Variants in GREP1 observed in about 807,000 individuals in gnomAD.
GREP1 encodes glycine rich extracellular protein 1, also known as glycine-rich extracellular protein 1.
chr16:3,000,770 G>A (rs570958063), exon 33 of GREP1: 33 of 399,070 alleles, frequency 8.3e-5, no homozygotes, highest in African/African-American at 5.5e-4. Flanking sequence ...CTGGGGGGCC[G>A]GCTTGAAGCC....
intron 34 of GREP1, 98 bp downstream of exon 28, chr16:3,001,432 G>GCA: frequency 2.5e-6 from 1 of 399,106 alleles, no homozygotes; most frequent in Non-Finnish European, 4.4e-6. Context: ...GGGAAGGATA[G>GCA]CAGGTTCTGC....
rs2072398886 is a variant in GREP1 at position 2,991,450 on chromosome 16, G to C, written c.322+349G>C. The C allele has an allele frequency of 8.4e-6, 2 of 237,166 alleles. No individual in the cohort carries two copies. The highest frequency in any genetic ancestry group is 4.5e-5 in the African/African-American group (2 of 44,510). 14.7% of individuals were successfully genotyped at this position (237,166 alleles called of 1,614,324 possible). On this transcript the variant is annotated intron_variant, in intron 8 of 34. Transcript: ENST00000573315. This position sits in a 1 kb window ranked among gnomAD's most constrained non-coding sequence, Gnocchi z 4.9. ...GGAACCCCACCAGGTGAGGGTGGCT[G>C]GGCAGGGGCCGCAGGGAGGGGCGGG...
exon 1 of GREP1, chr16:2,988,306 T>G: frequency 2.5e-6 from 1 of 399,282 alleles, no homozygotes. Context: ...CCGCAGCCCT[T>G]TTCCTTCTCT....
chr16:2,995,446 G>T lies in GREP1; in HGVS notation c.553+9G>T, dbSNP rs2072419505. On this transcript the variant is annotated intron_variant, in intron 15 of 34. Transcript: ENST00000573315. The stretch of plus-strand genomic sequence containing the variant: ...GCTGAGTGCTCAGCCAGGTGAGACA[G>T]ATGGGGTCTGGGGTTCTACCCCTGG... 7.5e-6 allele frequency: 3 copies of T among 398,884 alleles called. No homozygotes were observed. In the South Asian group the frequency reaches 3.8e-4, roughly 51 times the overall value. 24.7% of individuals were successfully genotyped at this position (398,884 alleles called of 1,614,324 possible). A position where few individuals can be genotyped will look rare whatever the true frequency, so the allele number is the denominator to read the frequency against.
At chr16:2,990,309 CCT>C in intron 5 of GREP1, 187 bp downstream of exon 5, 1 of 398,150 alleles carries the variant, frequency 2.5e-6, no homozygotes, top group Non-Finnish European at 4.4e-6. Context: ...CCTCAGCTCA[CCT>C]CTCTCTCTCC....
At chr16:2,993,220 A>G (rs951762320) in intron 10 of GREP1, 27 of 316,810 alleles carry the variant, frequency 8.5e-5, no homozygotes, top group Non-Finnish European at 1.4e-4. Flanking sequence ...AGAGGAAGGG[A>G]TGGGTGGACT....
intron 18 of GREP1, 86 bp from the exon 18 acceptor site, chr16:2,996,410 G>C (rs1295511336): frequency 2.5e-6 from 1 of 398,248 alleles, no homozygotes; most frequent in African/African-American, 2.1e-5. Context: ...CAGGGCCCTG[G>C]GCCCCCGCCC....
intron 2 of GREP1, 198 bp downstream of exon 2, chr16:2,988,820 CG>C (rs2072384322): frequency 2.5e-6 from 1 of 395,382 alleles, no homozygotes; most frequent in East Asian, 3.6e-5. Flanking sequence ...AAGAGTCTCC[CG>C]GGGCAGAACA....
chr16:2,994,366 A>C (rs2072413803), intron 10 of GREP1: 1 of 178,976 alleles, frequency 5.6e-6, no homozygotes, highest in East Asian at 1.5e-4. Context: ...AAAATTAGCC[A>C]GGCGTGGTGG....
Position 2,989,498 on chromosome 16 carries a change from G to A in GREP1, c.101-25G>A, listed in dbSNP as rs1355441725. 2 of 399,124 alleles carry A rather than the reference G, an allele frequency of 5.0e-6. No individual in the cohort carries two copies. Among genetic ancestry groups the A allele is most frequent in the Non-Finnish European group, 4.4e-6 (1 of 226,218 alleles). 24.7% of individuals were successfully genotyped at this position (399,124 alleles called of 1,614,324 possible). On this transcript the variant is annotated intron_variant, in intron 2 of 34. Coordinates refer to ENST00000573315, the Ensembl canonical transcript of GREP1. The surrounding 1 kb of genome is among the most constrained non-coding windows in gnomAD (Gnocchi z 4.2). Reference sequence around the variant, plus strand: ...GCTCCCAGCTGCTCCAGCACCCCGGGCTCAACATCTCACTTCTCCCACAGT... The same window carrying A: ...GCTCCCAGCTGCTCCAGCACCCCGGACTCAACATCTCACTTCTCCCACAGT...
exon 35 of GREP1, chr16:3,001,737 G>C (rs1406482480): frequency 5.0e-6 from 2 of 397,998 alleles, no homozygotes; most frequent in African/African-American, 4.1e-5. Flanking sequence ...TTGCTGACCA[G>C]GGTGGGAGTG....
chr16:2,990,964 A>G (rs1205088946), intron 7 of GREP1, 84 bp from the exon 7 acceptor site: 1 of 398,958 alleles, frequency 2.5e-6, no homozygotes, highest in Non-Finnish European at 4.4e-6. Context: ...CACCTGTCCC[A>G]GTGTCCACTT....
chr16:3,001,411 A>AC, intron 34 of GREP1, 77 bp downstream of exon 28: 1 of 399,064 alleles, frequency 2.5e-6, no homozygotes, highest in Admixed American at 4.4e-5. Flanking sequence ...ACTGGGGGAC[A>AC]CCCAGCCCTT....
intron 32 of GREP1, 94 bp from the exon 27 acceptor site, chr16:3,000,620 A>C (rs2072456025): frequency 2.5e-6 from 1 of 398,696 alleles, no homozygotes; most frequent in Non-Finnish European, 4.4e-6. Flanking sequence ...AATGGTAAGA[A>C]ATGAGCCTTC....
chr16:2,988,603 G>T, exon 2 of GREP1: 1 of 399,222 alleles, frequency 2.5e-6, no homozygotes, highest in Non-Finnish European at 4.4e-6. Context: ...TGCCCCTTCT[G>T]CCTCCTGGCC....
At chr16:2,990,370 T>C in intron 5 of GREP1, 182 bp from the exon 6 acceptor site, 1 of 398,292 alleles carries the variant, frequency 2.5e-6, no homozygotes, top group South Asian at 1.3e-4. Context: ...GAGATGGGAG[T>C]GGGGGAGCTG....
chr16:3,001,194 G>A, intron 33 of GREP1, 87 bp from the exon 28 acceptor site: 1 of 399,224 alleles, frequency 2.5e-6, no homozygotes, highest in East Asian at 3.6e-5. Flanking sequence ...CGGGGAGGGG[G>A]TGTCTCCCAC....
Position 2,991,344 on chromosome 16 carries a change from C to T in GREP1, c.322+243C>T, listed in dbSNP as rs1375483033. The T allele has an allele frequency of 2.6e-6, 1 of 379,686 alleles. No homozygotes were observed. Among genetic ancestry groups the T allele is most frequent in the Non-Finnish European group, 4.7e-6 (1 of 214,880 alleles). 23.5% of individuals were successfully genotyped at this position (379,686 alleles called of 1,614,324 possible). A position where few individuals can be genotyped will look rare whatever the true frequency, so the allele number is the denominator to read the frequency against. On this transcript the variant is annotated intron_variant, in intron 8 of 34. Transcript: ENST00000573315. This position sits in a 1 kb window ranked among gnomAD's most constrained non-coding sequence, Gnocchi z 4.9. ...TCTGGGTCCCTCAAGCCTGCCCACC[C>T]CACCGCTCATGGCCCTCACCAATGT...
chr16:2,999,609 T>C (rs1215725232), intron 27 of GREP1, among the ~76,000 whole-genome samples: 3 of 147,656 alleles, frequency 2.0e-5, no homozygotes, highest in African/African-American at 7.5e-5. Context: ...CGCACCACCA[T>C]ACCTGGCTAA....
Sources: gnomAD v4.1 joint callset for allele counts (sites outside exome capture counted in the v4.1 genomes callset) on GRCh38, gnomAD v4.1.1 for gene constraint, Gnocchi (gnomAD v3.1) non-coding constraint, MANE v1.5 for transcripts, NCBI Gene and HGNC (gene_info 2026-07-23, HGNC 2026-07-21) for gene names.